RNLS: variants seen among roughly 807,000 people sequenced by gnomAD.
RNLS encodes the protein renalase.
In RNLS, 39 loss-of-function variants were observed where a neutral mutation model predicts 39.8. The ratio of observed to expected loss-of-function variants is 0.98; its 90% CI spans 0.76 to 1.28. The LOEUF is 1.28. RNLS is among the 50% of genes most tolerant of loss of function. The pLI is 0.00. For synonymous variants in RNLS, 147 were observed against 150.7 expected (o/e 0.98, Z 0.18); for missense variants, 410 against 413.3 (o/e 0.99, Z 0.07).
chr10:88,409,161 C>T (rs1209453170), intron 4 of RNLS, among the ~76,000 whole-genome samples: 1 of 152,050 alleles, frequency 6.6e-6, no homozygotes, highest in East Asian at 1.9e-4. Flanking sequence ...CCAAAGCCAC[C>T]ATTTTCAATC....
chr10:88,451,345 C>T (rs936204492), intron 4 of RNLS, among the ~76,000 whole-genome samples: 3 of 152,140 alleles, frequency 2.0e-5, no homozygotes, highest in South Asian at 2.1e-4. Flanking sequence ...GAGAAGACAA[C>T]GTGGTTTGGC....
At chr10:88,388,068 G>A (rs900094579) in intron 4 of RNLS, among the ~76,000 whole-genome samples, 1 of 152,270 alleles carries the variant, frequency 6.6e-6, no homozygotes, top group East Asian at 1.9e-4. Flanking sequence ...GTAGAAGTTG[G>A]ATACCTAATT....
At chr10:88,511,108 T>C (rs1846099498) in intron 4 of RNLS, among the ~76,000 whole-genome samples, 1 of 151,750 alleles carries the variant, frequency 6.6e-6, no homozygotes, top group African/African-American at 2.4e-5. Flanking sequence ...AGAAATCTAT[T>C]CTAAAATTTG....
chr10:88,251,584 G>A, the RNLS span, among the ~76,000 whole-genome samples: 3 of 152,156 alleles, frequency 2.0e-5, no homozygotes, highest in Non-Finnish European at 4.4e-5. Context: ...TAAGGAGTTT[G>A]TTGGCATCTC....
chr10:88,385,794 C>T (rs1234945699), intron 4 of RNLS, among the ~76,000 whole-genome samples: 1 of 152,152 alleles, frequency 6.6e-6, no homozygotes, highest in African/African-American at 2.4e-5. Context: ...GCTTAGTCCA[C>T]CTGGTGGTTG....
At chr10:88,380,369 T>A (rs1368112115) in intron 4 of RNLS, among the ~76,000 whole-genome samples, 5 of 58,968 alleles carry the variant, frequency 8.5e-5, no homozygotes, top group East Asian at 1.5e-3. Context: ...GTATCTTTTT[T>A]TTTTTTTTTT....
the RNLS span, among the ~76,000 whole-genome samples, chr10:88,192,248 T>C: frequency 6.6e-6 from 1 of 152,146 alleles, no homozygotes; most frequent in African/African-American, 2.4e-5. Flanking sequence ...AGTTTCTTCA[T>C]CTGTAAAATA....
chr10:88,435,882 C>T (rs1855445100), intron 4 of RNLS, among the ~76,000 whole-genome samples: 1 of 152,076 alleles, frequency 6.6e-6, no homozygotes, highest in African/African-American at 2.4e-5. Flanking sequence ...CTCCATACTC[C>T]ATTCCTGGTT....
chr10:88,396,978 T>G (rs922490907), intron 4 of RNLS, among the ~76,000 whole-genome samples: 1 of 151,782 alleles, frequency 6.6e-6, no homozygotes, highest in African/African-American at 2.4e-5. Flanking sequence ...CCAAAATACA[T>G]GATGCAAAAA....
chr10:88,350,413 G>C (rs552193586), intron 5 of RNLS, among the ~76,000 whole-genome samples: 5 of 151,966 alleles, frequency 3.3e-5, no homozygotes, highest in Non-Finnish European at 2.9e-5. Flanking sequence ...CCTGGTGTGC[G>C]ATGTTCTCCT....
chr10:88,466,361 C>G (rs1021989271), intron 4 of RNLS, among the ~76,000 whole-genome samples: 1 of 152,012 alleles, frequency 6.6e-6, no homozygotes, highest in Non-Finnish European at 1.5e-5. Flanking sequence ...GGTGAGAAAA[C>G]AGTTAGAGCT....
intron 4 of RNLS, among the ~76,000 whole-genome samples, chr10:88,446,329 A>G (rs2133872895): frequency 6.6e-6 from 1 of 152,354 alleles, no homozygotes; most frequent in Admixed American, 6.5e-5. Context: ...GTAGAGGGAA[A>G]TTTATAGCAC....
intron 4 of RNLS, among the ~76,000 whole-genome samples, chr10:88,514,511 T>C (rs554459152): frequency 2.0e-5 from 3 of 152,218 alleles, no homozygotes; most frequent in African/African-American, 7.2e-5. Flanking sequence ...AGCCAATCTC[T>C]AGAACTTATT....
intron 4 of RNLS, among the ~76,000 whole-genome samples, chr10:88,447,372 G>GACGA (rs1842097155): frequency 6.6e-6 from 1 of 151,420 alleles, no homozygotes; most frequent in African/African-American, 2.4e-5. Context: ...ACCAATAACA[G>GACGA]ACAGAGAGCC....
At chr10:88,431,700 C>G (rs780640779) in intron 4 of RNLS, among the ~76,000 whole-genome samples, 24 of 151,716 alleles carry the variant, frequency 1.6e-4, no homozygotes, top group Admixed American at 7.9e-4. Flanking sequence ...CAAAATACTT[C>G]CTAATTTCCC....
chr10:88,407,026 A>G (rs577513388), intron 4 of RNLS, among the ~76,000 whole-genome samples: 8 of 151,968 alleles, frequency 5.3e-5, no homozygotes, highest in South Asian at 2.1e-4. Flanking sequence ...AGAATGATAC[A>G]ATGGACTTTG....
intron 4 of RNLS, among the ~76,000 whole-genome samples, chr10:88,434,154 T>C (rs958856374): frequency 5.9e-5 from 9 of 152,156 alleles, no homozygotes; most frequent in Non-Finnish European, 1.3e-4. Context: ...ATCGAGGCCA[T>C]ATTGGAAATC....
In RNLS at chr10:88,377,748, G is replaced by A. The variant is rs540664140; in HGVS notation, c.527-15023C>T. Among the ~76,000 whole-genome samples, 28 of 152,262 alleles carry A rather than the reference G, an allele frequency of 1.8e-4. No homozygotes were observed. The South Asian group carries it at 5.6e-3, about 30-fold the overall frequency. The stretch of plus-strand genomic sequence containing the variant: ...GAATGTGAAGGCCTAGGACATTGCT[G>A]TAATCTTCTGTAGACTTTATATACA... On this transcript the variant is annotated intron_variant, in intron 4 of 6. Coordinates refer to ENST00000331772, the MANE Select transcript of RNLS (RefSeq NM_001031709.3).
At chr10:88,535,000 G>C (rs1286167828) in intron 4 of RNLS, among the ~76,000 whole-genome samples, 2 of 152,130 alleles carry the variant, frequency 1.3e-5, no homozygotes, top group Non-Finnish European at 2.9e-5. Flanking sequence ...ATAAATATGA[G>C]AGACGGGTCC....
Sources: allele counts gnomAD v4.1 joint callset (sites outside exome capture counted in the v4.1 genomes callset), GRCh38; gene constraint gnomAD v4.1.1; transcripts MANE v1.5; gene names NCBI Gene and HGNC (gene_info 2026-07-23, HGNC 2026-07-21).